PRKN: variants seen among roughly 807,000 people sequenced by gnomAD.
PRKN encodes parkin RBR E3 ubiquitin protein ligase.
PRKN carries 56 observed loss-of-function variants against 59.5 expected under a neutral mutation model. The observed-to-expected ratio is 0.94, with a 90% CI of 0.76 to 1.18. The LOEUF is 1.18. PRKN is among the 50% of genes most tolerant of loss of function. The probability of loss-of-function intolerance (pLI) is 0.00; values close to 1 mark genes in which losing one functional copy is unlikely to be tolerated. For synonymous variants in PRKN, 250 were observed against 222.1 expected (o/e 1.13, Z -1.12); for missense variants, 657 against 596.4 (o/e 1.10, Z -1.06).
At chr6:162,491,001 G>A (rs1407467781) in intron 1 of PRKN, among the ~76,000 whole-genome samples, 1 of 152,070 alleles carries the variant, frequency 6.6e-6, no homozygotes, top group Non-Finnish European at 1.5e-5. Flanking sequence ...GGGCGTGGAG[G>A]CTGAAGCAGG....
At chr6:161,864,648 TTTTG>T (rs1384644886) in intron 6 of PRKN, among the ~76,000 whole-genome samples, 1 of 151,976 alleles carries the variant, frequency 6.6e-6, no homozygotes, top group Non-Finnish European at 1.5e-5. Flanking sequence ...GTTTGTTTGT[TTTTG>T]TTTTAGTTTG....
At chr6:162,551,766 CTT>C (rs1287877269) in intron 1 of PRKN, among the ~76,000 whole-genome samples, 1 of 152,186 alleles carries the variant, frequency 6.6e-6, no homozygotes, top group Non-Finnish European at 1.5e-5. Flanking sequence ...CATTTCTTCT[CTT>C]GTCCTCCACA....
chr6:161,945,221 C>T (rs1779735322), intron 6 of PRKN, among the ~76,000 whole-genome samples: 2 of 151,990 alleles, frequency 1.3e-5, no homozygotes, highest in East Asian at 1.9e-4. Context: ...CCCTATTGCT[C>T]ACATGCAGAC....
At chr6:162,672,297 G>C (rs1274334020) in intron 1 of PRKN, among the ~76,000 whole-genome samples, 1 of 151,976 alleles carries the variant, frequency 6.6e-6, no homozygotes, top group Non-Finnish European at 1.5e-5. Flanking sequence ...ACATACCATT[G>C]TGAAAAAACT....
chr6:161,383,850 C>T (rs1348361539), intron 10 of PRKN, among the ~76,000 whole-genome samples: 5 of 152,188 alleles, frequency 3.3e-5, no homozygotes, highest in Non-Finnish European at 2.9e-5. Context: ...GAATCAGAGA[C>T]GTAGGAAAAC....
chr6:162,707,178 A>C (rs1778367543), intron 1 of PRKN, among the ~76,000 whole-genome samples: 1 of 152,196 alleles, frequency 6.6e-6, no homozygotes, highest in Non-Finnish European at 1.5e-5. Context: ...AATCAAGATA[A>C]TTCTTATATG....
At chr6:161,909,594 T>C (rs1778279458) in intron 6 of PRKN, among the ~76,000 whole-genome samples, 1 of 152,180 alleles carries the variant, frequency 6.6e-6, no homozygotes, top group African/African-American at 2.4e-5. Flanking sequence ...GAAAAGATGA[T>C]GACTGCCAGG....
intron 4 of PRKN, among the ~76,000 whole-genome samples, chr6:162,184,970 G>T (rs906470361): frequency 2.2e-4 from 32 of 147,830 alleles, no homozygotes; most frequent in African/African-American, 6.6e-4. Flanking sequence ...AAATAAGGGT[G>T]GGGGGGTGCT....
chr6:162,387,547 CACACACACAGAG>C (rs1261468830), intron 2 of PRKN, among the ~76,000 whole-genome samples: 2 of 75,826 alleles, frequency 2.6e-5, no homozygotes, highest in African/African-American at 1.2e-4. Flanking sequence ...CACACACACA[CACACACACAGAG>C]AGAGAGAGAG....
intron 7 of PRKN, among the ~76,000 whole-genome samples, chr6:161,631,537 T>C (rs1783309873): frequency 6.6e-6 from 1 of 152,156 alleles, no homozygotes; most frequent in Non-Finnish European, 1.5e-5. Context: ...TAAAATAATC[T>C]GGAAAAATAA....
intron 3 of PRKN, among the ~76,000 whole-genome samples, chr6:162,214,034 G>A (rs1777528039): frequency 6.6e-6 from 1 of 151,976 alleles, no homozygotes; most frequent in Non-Finnish European, 1.5e-5. Context: ...TTGGCTCAAT[G>A]CTGTTAGGGA....
intron 1 of PRKN, among the ~76,000 whole-genome samples, chr6:162,655,307 G>A (rs1583990948): frequency 1.3e-5 from 2 of 152,262 alleles, no homozygotes; most frequent in African/African-American, 4.8e-5. Context: ...TTCCTTGGTA[G>A]TTTTTTGATT....
At chr6:162,050,491 C>A (rs1024980732) in intron 5 of PRKN, among the ~76,000 whole-genome samples, 1 of 148,370 alleles carries the variant, frequency 6.7e-6, no homozygotes, top group Non-Finnish European at 1.5e-5. Flanking sequence ...TTTCATCTCT[C>A]AATTTGGCAT....
At chr6:161,438,978 T>C (rs11755661) in intron 9 of PRKN, among the ~76,000 whole-genome samples, 11,934 of 152,292 alleles carry the variant, frequency 0.078, 630 homozygotes, top group Non-Finnish European at 0.11. Context: ...ACTGTTCTTT[T>C]AGCAGTTTCA....
Position 161,896,939 on chromosome 6 carries a change from C to T in PRKN, c.734+76363G>A, listed in dbSNP as rs544101488. 6.6e-5 allele frequency among the ~76,000 whole-genome samples: 10 copies of T among 152,346 alleles called. No homozygotes were observed. In the South Asian group the frequency reaches 1.2e-3, roughly 19 times the overall value. On this transcript the variant is annotated intron_variant, in intron 6 of 11. Transcript: ENST00000366898. ...AAGGCGTGTTCAGCACGCACAGTCA[C>T]GTACAGCACATTGTGGTGTAATCTC... is the stretch of plus-strand genomic sequence containing the variant.
At chr6:162,052,338 C>T (rs1893543) in intron 5 of PRKN, among the ~76,000 whole-genome samples, 62,473 of 151,564 alleles carry the variant, frequency 0.41, 13,590 homozygotes, top group Admixed American at 0.49. Flanking sequence ...TATTTCCAAT[C>T]GTTTTGTTTT....
chr6:162,235,910 G>GA (rs1562602018), intron 3 of PRKN, among the ~76,000 whole-genome samples: 4 of 50,294 alleles, frequency 8.0e-5, no homozygotes, highest in Non-Finnish European at 1.3e-4. Flanking sequence ...GGAAAGGAAG[G>GA]AAGGAAGGAA....
At chr6:162,533,597 G>C (rs1487832002) in intron 1 of PRKN, among the ~76,000 whole-genome samples, 2 of 152,172 alleles carry the variant, frequency 1.3e-5, no homozygotes, top group Non-Finnish European at 2.9e-5. Context: ...AGTGAAAACA[G>C]GCTGGCTTCA....
chr6:161,849,251 G>T (rs1323378396), intron 6 of PRKN, among the ~76,000 whole-genome samples: 1 of 151,998 alleles, frequency 6.6e-6, no homozygotes, highest in Admixed American at 6.5e-5. Flanking sequence ...GGACCCCCAC[G>T]CCTGGTCCAG....
Sources: gnomAD v4.1 joint callset for allele counts (sites outside exome capture counted in the v4.1 genomes callset) on GRCh38, gnomAD v4.1.1 for gene constraint, MANE v1.5 for transcripts, NCBI Gene and HGNC (gene_info 2026-07-23, HGNC 2026-07-21) for gene names.